CACNA2D3: variants seen among roughly 807,000 people sequenced by gnomAD.
CACNA2D3 encodes voltage-dependent calcium channel subunit alpha-2/delta-3.
Under a neutral mutation model 160.6 loss-of-function variants are expected in CACNA2D3, and 60 were observed. That is an observed-to-expected ratio of 0.37 (90% confidence interval 0.30 to 0.46). The LOEUF is 0.46. CACNA2D3 is among the 20% of genes least tolerant of loss of function. The pLI is 1.00. For missense variants in CACNA2D3, 1,205 were observed against 1,365.0 expected (o/e 0.88, Z 1.85); for synonymous variants, 558 against 492.9 (o/e 1.13, Z -1.75).
At position 54,541,938 on chromosome 3, in the gene CACNA2D3, GT is replaced by G. The variant is rs199980479; in HGVS notation, c.545-20849del. Among the ~76,000 whole-genome samples the G allele has an allele frequency of 6.5e-3, 891 of 137,330 alleles. 20 individuals are homozygous for G. In the East Asian group the frequency reaches 0.083, roughly 13 times the overall value. The allele number at this position is 137,330 out of a possible 152,430, so 90.1% of individuals were successfully genotyped here. A position where few individuals can be genotyped will look rare whatever the true frequency, so the allele number is the denominator to read the frequency against. On this transcript the variant is annotated intron_variant, in intron 5 of 37. Coordinates refer to ENST00000474759, the MANE Select transcript of CACNA2D3 (RefSeq NM_018398.3). ...AACATTTAGGAAAGGGTGTGTGTGG[GT>G]TTTTTTTTTTTTCGTACAATTTTTG...
chr3:54,217,912 T>G (rs575310505), intron 2 of CACNA2D3, among the ~76,000 whole-genome samples: 1 of 150,528 alleles, frequency 6.6e-6, no homozygotes, highest in African/African-American at 2.4e-5. Flanking sequence ...AGAGGTGTGT[T>G]AGAGAGAAAG....
intron 11 of CACNA2D3, among the ~76,000 whole-genome samples, chr3:54,711,891 T>G (rs1273267510): frequency 6.6e-6 from 1 of 152,234 alleles, no homozygotes; most frequent in Admixed American, 6.5e-5. Flanking sequence ...AGATAAAGGT[T>G]GTCTTCCTCC....
At chr3:54,292,516 C>T (rs1302445434) in intron 2 of CACNA2D3, among the ~76,000 whole-genome samples, 1 of 151,926 alleles carries the variant, frequency 6.6e-6, no homozygotes, top group African/African-American at 2.4e-5. Context: ...AACAAAGGTT[C>T]TGAATAAACA....
At chr3:54,932,352 C>T (rs79623557) in intron 27 of CACNA2D3, among the ~76,000 whole-genome samples, 5,488 of 148,132 alleles carry the variant, frequency 0.037, 164 homozygotes, top group Non-Finnish European at 0.054. Flanking sequence ...CCTATAAATA[C>T]GCGTTGGTTT....
chr3:54,683,520 A>G (rs1413254093), intron 11 of CACNA2D3, among the ~76,000 whole-genome samples: 1 of 152,210 alleles, frequency 6.6e-6, no homozygotes, highest in African/African-American at 2.4e-5. Flanking sequence ...TTCTTTGACT[A>G]TAAAATGGAA....
intron 2 of CACNA2D3, among the ~76,000 whole-genome samples, chr3:54,254,731 T>TA (rs1233448905): frequency 2.0e-5 from 3 of 152,206 alleles, no homozygotes; most frequent in Non-Finnish European, 4.4e-5. Flanking sequence ...TGAATCAAAG[T>TA]AAAAATCTTC....
chr3:54,250,167 G>T (rs1018746453), intron 2 of CACNA2D3, among the ~76,000 whole-genome samples: 1 of 152,100 alleles, frequency 6.6e-6, no homozygotes, highest in African/African-American at 2.4e-5. Flanking sequence ...TACATGCTGG[G>T]ATTTCCAGGC....
At chr3:54,726,075 A>C (rs564617292) in intron 11 of CACNA2D3, among the ~76,000 whole-genome samples, 19 of 152,340 alleles carry the variant, frequency 1.2e-4, no homozygotes, top group Admixed American at 6.5e-4. Flanking sequence ...TCAGGATACA[A>C]AATCAATGTG....
rs373693212 is a variant in CACNA2D3, at chr3:54,628,212, C to T, written c.1053+336C>T. The stretch of plus-strand genomic sequence containing the variant: ...GTGCACTCCAGCCTGGGTGACAGAG[C>T]GAGACTCCGTCTCAAAAAAAAATAG... On this transcript the variant is annotated intron_variant, in intron 10 of 37. Transcript: ENST00000474759. 1.4e-4 allele frequency among the ~76,000 whole-genome samples: 21 copies of T among 151,996 alleles called. No individual in the cohort carries two copies. The South Asian group carries it at 2.5e-3, about 18-fold the overall frequency.
intron 3 of CACNA2D3, among the ~76,000 whole-genome samples, chr3:54,380,732 A>C (rs1227152129): frequency 1.3e-5 from 2 of 151,626 alleles, no homozygotes; most frequent in Admixed American, 1.3e-4. Context: ...AAAACAAAAA[A>C]CAAAAAAACA....
intron 11 of CACNA2D3, among the ~76,000 whole-genome samples, chr3:54,699,339 G>C (rs1700722880): frequency 6.6e-6 from 1 of 152,198 alleles, no homozygotes; most frequent in African/African-American, 2.4e-5. Context: ...CATCTCTCCA[G>C]TCCCGGGCAT....
chr3:55,026,016 G>A (rs1013266717), intron 35 of CACNA2D3, among the ~76,000 whole-genome samples: 3 of 151,902 alleles, frequency 2.0e-5, no homozygotes, highest in Admixed American at 2.0e-4. Flanking sequence ...TTTGCAGCTT[G>A]ATTAATTTGC....
At chr3:54,586,534 C>T (rs1291360661) in intron 9 of CACNA2D3, among the ~76,000 whole-genome samples, 1 of 152,136 alleles carries the variant, frequency 6.6e-6, no homozygotes, top group Admixed American at 6.5e-5. Flanking sequence ...AAAGCAGAAA[C>T]TGTTAGAGCT....
At chr3:54,954,551 G>A (rs1013725910) in intron 27 of CACNA2D3, among the ~76,000 whole-genome samples, 1 of 152,182 alleles carries the variant, frequency 6.6e-6, no homozygotes. Flanking sequence ...GCTTCCCTTT[G>A]ATTCTCTTCC....
intron 35 of CACNA2D3, among the ~76,000 whole-genome samples, chr3:55,070,859 A>G (rs1281004181): frequency 6.6e-6 from 1 of 152,212 alleles, no homozygotes; most frequent in African/African-American, 2.4e-5. Context: ...GGACTCTACC[A>G]TAAAAGAAGA....
intron 2 of CACNA2D3, among the ~76,000 whole-genome samples, chr3:54,224,802 G>A (rs1701640713): frequency 6.6e-6 from 1 of 151,464 alleles, no homozygotes; most frequent in Non-Finnish European, 1.5e-5. Context: ...CTTTTTGGTT[G>A]CTCTTTATTC....
intron 3 of CACNA2D3, among the ~76,000 whole-genome samples, chr3:54,361,341 G>A (rs546017381): frequency 6.6e-6 from 1 of 152,246 alleles, no homozygotes; most frequent in South Asian, 2.1e-4. Flanking sequence ...CTGGTGGGCT[G>A]TGTCCCCTAA....
chr3:54,887,468 A>G (rs999486808), intron 23 of CACNA2D3, among the ~76,000 whole-genome samples: 18 of 152,148 alleles, frequency 1.2e-4, no homozygotes, highest in Non-Finnish European at 2.1e-4. Flanking sequence ...AAATGAAACA[A>G]TTCTTAAAAA....
intron 2 of CACNA2D3, 93 bp from the exon 3 acceptor site, chr3:54,320,349 T>G: frequency 1.8e-6 from 1 of 561,554 alleles, no homozygotes; most frequent in Non-Finnish European, 3.0e-6. Flanking sequence ...AATTTTATCT[T>G]TATTTATTCC....
Sources: allele counts gnomAD v4.1 joint callset (sites outside exome capture counted in the v4.1 genomes callset), GRCh38; gene constraint gnomAD v4.1.1; transcripts MANE v1.5; gene names NCBI Gene and HGNC (gene_info 2026-07-23, HGNC 2026-07-21).